The following NBPF20 variants were observed in gnomAD, a reference collection of about 807,000 sequenced individuals.
NBPF20 encodes the protein NBPF member 20.
NBPF20 carries 90 observed loss-of-function variants against 68.1 expected under a neutral mutation model. The observed-to-expected ratio is 1.32, with a 90% CI of 1.11 to 1.58. The LOEUF (loss-of-function observed/expected upper bound fraction) is 1.58. Ranked by LOEUF, NBPF20 falls within the 40% of genes most tolerant of loss-of-function variation. NBPF20 has a pLI of 0.00. For missense variants in NBPF20, 816 were observed against 601.2 expected (o/e 1.36, Z -3.74); for synonymous variants, 290 against 228.1 (o/e 1.27, Z -2.45).
At chr1:145,412,454 C>A in the NBPF20 span, among the ~76,000 whole-genome samples, 1 of 151,944 alleles carries the variant, frequency 6.6e-6, no homozygotes, top group Non-Finnish European at 1.5e-5. Context: ...GGGGACACAA[C>A]AAATTTGCAT....
chr1:145,424,865 T>G, the NBPF20 span, among the ~76,000 whole-genome samples: 2 of 152,152 alleles, frequency 1.3e-5, no homozygotes, highest in Non-Finnish European at 2.9e-5. Context: ...ATGTGCATCA[T>G]GGACTTGGTA....
chr1:145,306,262 G>T (rs1480057553), intron 119 of NBPF20, among the ~76,000 whole-genome samples, 197 bp from the exon 125 acceptor site: 261 of 142,318 alleles, frequency 1.8e-3, no homozygotes, highest in African/African-American at 6.4e-3. Flanking sequence ...AAGACAGATA[G>T]ACACACACAC....
exon 137 of NBPF20, chr1:145,292,407 T>C: frequency 2.9e-6 from 2 of 688,488 alleles, no homozygotes; most frequent in South Asian, 3.1e-5. Flanking sequence ...TTTGATCTTC[T>C]TCCCCTTCTT....
chr1:145,291,515 G>A (rs368837167), exon 138 of NBPF20: 2 of 1,612,026 alleles, frequency 1.2e-6, no homozygotes, highest in Non-Finnish European at 8.5e-7. Flanking sequence ...TCTCGGCTTA[G>A]TAAGGGCTGT....
At chr1:145,352,354 A>G (rs1661661181) in intron 61 of NBPF20, among the ~76,000 whole-genome samples, 12 of 72,668 alleles carry the variant, frequency 1.7e-4, no homozygotes, top group East Asian at 1.4e-3. Context: ...CACAGAGAGA[A>G]CGAGCTCAGT....
chr1:145,400,475 A>C, exon 6 of NBPF20: 1 of 1,613,070 alleles, frequency 6.2e-7, no homozygotes, highest in Non-Finnish European at 8.5e-7. Context: ...CTCAAATGTG[A>C]TTTTGGTTTT....
At chr1:145,410,777 TATACACAC>T in the NBPF20 span, among the ~76,000 whole-genome samples, 1 of 132,686 alleles carries the variant, frequency 7.5e-6, no homozygotes, top group African/African-American at 2.9e-5. Flanking sequence ...TATATATATA[TATACACAC>T]ACATATATAT....
In NBPF20 at chr1:145,290,312, T is replaced by A. The variant is rs1660983963; in HGVS notation, c.*1214A>T. 1.3e-5 allele frequency: 2 copies of A among 149,198 alleles called. 1 individual carries two copies. Among genetic ancestry groups the A allele is most frequent in the African/African-American group, 5.2e-5 (2 of 38,770 alleles). The allele number at this position is 149,198 out of a possible 1,614,324, so 9.2% of individuals were successfully genotyped here. On this transcript the variant is annotated 3_prime_UTR_variant, in exon 138 of 138. Coordinates refer to ENST00000369373, the Ensembl canonical transcript of NBPF20. ...AAGGTGTCTCTAAAAGGGACAGATC[T>A]CCTAGACCCCTCCTTAACCAAGTAA...
intron 10 of NBPF20, 102 bp downstream of exon 15, chr1:145,392,972 G>A: frequency 5.9e-6 from 2 of 341,866 alleles, no homozygotes; most frequent in Non-Finnish European, 9.8e-6. Context: ...CCTCCCTGTG[G>A]CAATGACATC....
exon 137 of NBPF20, chr1:145,292,449 T>C: frequency 1.4e-6 from 1 of 714,898 alleles, no homozygotes. Context: ...TCTTTGATCT[T>C]CTTCCCCTTC....
exon 138 of NBPF20, chr1:145,291,578 G>T (rs587689604): frequency 3.7e-6 from 6 of 1,611,972 alleles, no homozygotes; most frequent in African/African-American, 1.3e-5. Flanking sequence ...ACTTGTCACC[G>T]TCAAAGTAAA....
chr1:145,291,788 C>T lies in NBPF20; in HGVS notation c.16698-19G>A, dbSNP rs781821703. On this transcript the variant is annotated intron_variant, in intron 137 of 137. Coordinates refer to ENST00000369373, the Ensembl canonical transcript of NBPF20. ...GTTGAGCCTGGAAAAGGAGACAAAA[C>T]TAAAGAAGCAGCCAGGGAAAATCAG... 15 of 1,611,770 alleles carry T rather than the reference C, an allele frequency of 9.3e-6. No individual in the cohort carries two copies. The highest frequency in any genetic ancestry group is 4.5e-5 in the East Asian group (2 of 44,878).
At chr1:145,393,394 G>A (rs1307069829) in intron 9 of NBPF20, 148 bp from the exon 15 acceptor site, 2 of 715,778 alleles carry the variant, frequency 2.8e-6, no homozygotes, top group East Asian at 5.3e-5. Context: ...CCTTTATGTT[G>A]GGATAGACTA....
At position 145,394,602 on chromosome 1, in the gene NBPF20, G is replaced by T. The variant is rs1157246864; in HGVS notation, c.991+376C>A. 4.2e-3 allele frequency among the ~76,000 whole-genome samples: 640 copies of T among 152,056 alleles called. 3 individuals are homozygous for T. Among genetic ancestry groups the T allele is most frequent in the South Asian group, 0.015 (71 of 4,828 alleles). On this transcript the variant is annotated intron_variant, in intron 8 of 137. Coordinates refer to ENST00000369373, the Ensembl canonical transcript of NBPF20. The stretch of plus-strand genomic sequence containing the variant: ...AAAGAACCACACAGACATGCTTTGG[G>T]AACAAAACTCATAAGGAATTTTGTA...
intron 5 of NBPF20, 81 bp downstream of exon 10, chr1:145,400,978 A>T: frequency 6.5e-7 from 1 of 1,535,928 alleles, no homozygotes; most frequent in Non-Finnish European, 9.0e-7. Flanking sequence ...TTGGCCGATC[A>T]TAGATGCCAG....
At chr1:145,405,300 G>C (rs782541926) in exon 2 of NBPF20, 22 of 1,592,124 alleles carry the variant, frequency 1.4e-5, no homozygotes, top group Non-Finnish European at 1.5e-5. Context: ...AAGAGGTGGA[G>C]TCAGGGACTG....
the NBPF20 span, among the ~76,000 whole-genome samples, chr1:145,421,322 C>T: frequency 6.6e-6 from 1 of 152,106 alleles, no homozygotes; most frequent in African/African-American, 2.4e-5. Context: ...GCTGAGCTTT[C>T]GCTAGGTTAT....
chr1:145,352,323 A>G (rs1661658184), intron 61 of NBPF20, among the ~76,000 whole-genome samples: 1 of 91,016 alleles, frequency 1.1e-5, no homozygotes, highest in Non-Finnish European at 2.4e-5. Context: ...ACACACACAC[A>G]CACACAGACA....
chr1:145,291,845 C>T lies in NBPF20; in HGVS notation c.16698-76G>A, dbSNP rs61812476. 6 of 1,610,082 alleles carry T rather than the reference C, an allele frequency of 3.7e-6. No homozygotes were observed. In the South Asian group the frequency reaches 4.4e-5, roughly 12 times the overall value. On this transcript the variant is annotated intron_variant, in intron 137 of 137. Transcript: ENST00000369373. ...CAGAGCCCCACTAGATTTCAGAAGT[C>T]ACATAAGGAAGTGGTTAGAAAAGAA... is the stretch of plus-strand genomic sequence containing the variant.
Sources: gnomAD v4.1 joint callset for allele counts (sites outside exome capture counted in the v4.1 genomes callset) on GRCh38, gnomAD v4.1.1 for gene constraint, MANE v1.5 for transcripts, NCBI Gene and HGNC (gene_info 2026-07-23, HGNC 2026-07-21) for gene names.